The following SGCZ variants were observed in gnomAD, a reference collection of about 807,000 sequenced individuals.
SGCZ encodes the protein zeta-sarcoglycan.
A neutral mutation model predicts 41.3 loss-of-function variants in SGCZ; 40 were observed. The ratio of observed to expected loss-of-function variants is 0.97; its 90% CI spans 0.75 to 1.26. SGCZ has a LOEUF of 1.26. Ranked by LOEUF, SGCZ falls within the 50% of genes most tolerant of loss-of-function variation. The probability of loss-of-function intolerance (pLI) is 0.00; values close to 1 mark genes in which losing one functional copy is unlikely to be tolerated. For synonymous variants in SGCZ, 206 were observed against 137.5 expected (o/e 1.50, Z -3.49); for missense variants, 552 against 369.8 (o/e 1.49, Z -4.04).
At chr8:14,898,578 T>C (rs2130755507) in intron 1 of SGCZ, among the ~76,000 whole-genome samples, 1 of 152,254 alleles carries the variant, frequency 6.6e-6, no homozygotes, top group Non-Finnish European at 1.5e-5. Context: ...ATGGGAAAGA[T>C]GGTTATTGGA....
chr8:15,221,407 C>T (rs1252703500), intron 1 of SGCZ, among the ~76,000 whole-genome samples: 1 of 152,158 alleles, frequency 6.6e-6, no homozygotes, highest in Non-Finnish European at 1.5e-5. Flanking sequence ...TCTCTCATCT[C>T]TGATCTGCCT....
chr8:14,752,252 G>A lies in SGCZ; in HGVS notation c.40-197326C>T, dbSNP rs1005611616. ...GGTTTTCTCTTATTTGCAGCTGAAC[G>A]TTTCCTGTGTTAATCATTAGAACGC... On this transcript the variant is annotated intron_variant, in intron 1 of 7. Transcript: ENST00000382080. Among the ~76,000 whole-genome samples the A allele has an allele frequency of 6.0e-5, 9 of 151,104 alleles. No individual in the cohort carries two copies. In the South Asian group the frequency reaches 6.2e-4, roughly 10 times the overall value.
intron 4 of SGCZ, among the ~76,000 whole-genome samples, chr8:14,222,792 A>ATTTTTTTTTT (rs775444301): frequency 2.0e-5 from 1 of 48,896 alleles, no homozygotes; most frequent in African/African-American, 9.1e-5. Context: ...AGTCACAGTG[A>ATTTTTTTTTT]TTTTTTTTTT....
At chr8:14,453,815 A>G (rs914099353) in intron 2 of SGCZ, among the ~76,000 whole-genome samples, 4 of 152,208 alleles carry the variant, frequency 2.6e-5, no homozygotes, top group Non-Finnish European at 4.4e-5. Context: ...GTTTCCAAAA[A>G]TTCTGTCAGT....
intron 1 of SGCZ, among the ~76,000 whole-genome samples, chr8:15,031,167 G>T (rs1422420688): frequency 6.6e-6 from 1 of 151,920 alleles, no homozygotes; most frequent in Non-Finnish European, 1.5e-5. Context: ...GGATGCTATG[G>T]CACTTTTATT....
chr8:14,579,546 G>T (rs954779321), intron 1 of SGCZ, among the ~76,000 whole-genome samples: 1 of 152,016 alleles, frequency 6.6e-6, no homozygotes, highest in Non-Finnish European at 1.5e-5. Flanking sequence ...TAAACTGTTG[G>T]GGAAATTTTA....
At chr8:14,332,064 T>C (rs1176975162) in intron 2 of SGCZ, among the ~76,000 whole-genome samples, 1 of 152,102 alleles carries the variant, frequency 6.6e-6, no homozygotes, top group Non-Finnish European at 1.5e-5. Context: ...TATTTTTATT[T>C]TAACTATCCA....
intron 1 of SGCZ, among the ~76,000 whole-genome samples, chr8:14,577,635 G>T (rs78401410): frequency 6.6e-6 from 1 of 151,956 alleles, no homozygotes; most frequent in African/African-American, 2.4e-5. Flanking sequence ...TGATCTGCCC[G>T]CCTCAGCCTC....
intron 2 of SGCZ, among the ~76,000 whole-genome samples, chr8:14,336,896 C>T (rs140100801): frequency 6.6e-6 from 1 of 152,102 alleles, no homozygotes; most frequent in Non-Finnish European, 1.5e-5. Context: ...CTCTTCATTT[C>T]TAATCCTCAT....
chr8:14,093,419 G>T (rs1801748539), intron 7 of SGCZ, among the ~76,000 whole-genome samples: 1 of 151,998 alleles, frequency 6.6e-6, no homozygotes, highest in Admixed American at 6.6e-5. Context: ...ATGGCCCAAA[G>T]GCCCTACCTA....
chr8:14,647,697 T>A (rs1585152304), intron 1 of SGCZ, among the ~76,000 whole-genome samples: 1 of 152,122 alleles, frequency 6.6e-6, no homozygotes, highest in Non-Finnish European at 1.5e-5. Flanking sequence ...ACATTTTAAA[T>A]ATATATGTAG....
At chr8:14,606,151 T>C (rs1179231526) in intron 1 of SGCZ, among the ~76,000 whole-genome samples, 1 of 152,156 alleles carries the variant, frequency 6.6e-6, no homozygotes, top group African/African-American at 2.4e-5. Flanking sequence ...TCACTAATGC[T>C]AAAATAGTCT....
At chr8:14,709,676 G>A (rs141454894) in intron 1 of SGCZ, among the ~76,000 whole-genome samples, 50 of 151,238 alleles carry the variant, frequency 3.3e-4, no homozygotes, top group African/African-American at 1.2e-3. Flanking sequence ...GCCCAAATTT[G>A]CAAAATGAAA....
intron 1 of SGCZ, among the ~76,000 whole-genome samples, chr8:15,098,057 C>T (rs1415970688): frequency 4.6e-5 from 7 of 151,544 alleles, no homozygotes; most frequent in East Asian, 1.9e-4. Flanking sequence ...CTTTAACTCA[C>T]GACTTGGAAA....
chr8:14,388,734 A>T (rs1348317907), intron 2 of SGCZ, among the ~76,000 whole-genome samples: 2 of 152,008 alleles, frequency 1.3e-5, no homozygotes, highest in Admixed American at 6.6e-5. Context: ...GTTATTAATG[A>T]TGTAACAGTC....
intron 1 of SGCZ, among the ~76,000 whole-genome samples, chr8:14,674,130 A>G (rs892844137): frequency 3.4e-5 from 5 of 148,052 alleles, no homozygotes; most frequent in Admixed American, 6.9e-5. Context: ...CTCAGAATAA[A>G]ACATAAATAG....
At chr8:14,962,790 C>T (rs974685089) in intron 1 of SGCZ, among the ~76,000 whole-genome samples, 5 of 152,044 alleles carry the variant, frequency 3.3e-5, no homozygotes, top group Admixed American at 6.6e-5. Context: ...GCAAGTGTCC[C>T]GCATTAAGAA....
intron 4 of SGCZ, among the ~76,000 whole-genome samples, chr8:14,236,684 A>T (rs534474190): frequency 5.2e-4 from 79 of 151,652 alleles, no homozygotes; most frequent in African/African-American, 1.9e-3. Flanking sequence ...GTATGTATGT[A>T]TAACTAGATA....
At chr8:14,947,907 G>C (rs1800506257) in intron 1 of SGCZ, among the ~76,000 whole-genome samples, 1 of 152,138 alleles carries the variant, frequency 6.6e-6, no homozygotes, top group Admixed American at 6.5e-5. Context: ...TTTGAAATCT[G>C]ATGATGTGAG....
Sources: gnomAD v4.1 joint callset for allele counts (sites outside exome capture counted in the v4.1 genomes callset) on GRCh38, gnomAD v4.1.1 for gene constraint, MANE v1.5 for transcripts, NCBI Gene and HGNC (gene_info 2026-07-23, HGNC 2026-07-21) for gene names.